The following ELAVL1 variants were observed in gnomAD, a reference collection of about 807,000 sequenced individuals.
The protein encoded by ELAVL1 is ELAV like RNA binding protein 1, also known as ELAV-like protein 1.
A neutral mutation model predicts 28.4 loss-of-function variants in ELAVL1; 1 was observed. That is an observed-to-expected ratio of 0.04 (90% CI 0.01 to 0.17). ELAVL1 has a LOEUF of 0.17. Ranked by LOEUF, ELAVL1 falls within the 10% of genes least tolerant of loss-of-function variation. ELAVL1 has a pLI of 1.00. For synonymous variants in ELAVL1, 174 were observed against 183.5 expected (o/e 0.95, Z 0.42); for missense variants, 157 against 447.2 (o/e 0.35, Z 5.85).
chr19:7,988,430 T>A (rs1985661730), intron 2 of ELAVL1, among the ~76,000 whole-genome samples: 1 of 151,954 alleles, frequency 6.6e-6, no homozygotes, highest in South Asian at 2.1e-4. Context: ...CCCTCTGGCA[T>A]AACCGGCTGA....
At chr19:7,999,184 C>T (rs2081059061) in intron 1 of ELAVL1, among the ~76,000 whole-genome samples, 1 of 152,174 alleles carries the variant, frequency 6.6e-6, no homozygotes, top group Non-Finnish European at 1.5e-5. Flanking sequence ...ACCAGCATGG[C>T]CAACATAGTG....
At chr19:7,976,926 G>A (rs997892297) in intron 3 of ELAVL1, among the ~76,000 whole-genome samples, 11 of 150,578 alleles carry the variant, frequency 7.3e-5, no homozygotes, top group Admixed American at 5.3e-4. Flanking sequence ...GGGCTCAAGT[G>A]ATCCTCCTGC....
At chr19:7,965,139 G>A (rs1211545974) in intron 5 of ELAVL1, among the ~76,000 whole-genome samples, 1 of 152,218 alleles carries the variant, frequency 6.6e-6, no homozygotes, top group Non-Finnish European at 1.5e-5. Flanking sequence ...TGTCCAGTAT[G>A]GTCTCAAACT....
Position 7,981,062 on chromosome 19 carries a change from GT to G in ELAVL1, c.276+20del, listed in dbSNP as rs751415093. 1.2e-6 allele frequency: 2 copies of G among 1,611,248 alleles called. No homozygotes were observed. Among genetic ancestry groups the G allele is most frequent in the Non-Finnish European group, 1.7e-6 (2 of 1,177,572 alleles). On this transcript the variant is annotated intron_variant, in intron 3 of 5. Transcript: ENST00000407627. This position sits in a 1 kb window ranked among gnomAD's most constrained non-coding sequence, Gnocchi z 4.2. ...TGTGCCCAGGGCAGGAATGGATGCG[GT>G]GGTGATCAGATCCCTTTACCTTAAT...
At chr19:8,003,483 G>C (rs1407180581) in intron 1 of ELAVL1, among the ~76,000 whole-genome samples, 1 of 151,306 alleles carries the variant, frequency 6.6e-6, no homozygotes, top group Non-Finnish European at 1.5e-5. Flanking sequence ...ACAAGGTCAG[G>C]AGATCGAGAC....
At position 7,958,925 on chromosome 19, in the gene ELAVL1, TCA is replaced by T. The variant is rs1984730338; in HGVS notation, c.*4556_*4557del. On this transcript the variant is annotated 3_prime_UTR_variant, in exon 6 of 6. Coordinates refer to ENST00000407627, the MANE Select transcript of ELAVL1 (RefSeq NM_001419.3). ...TGAGAAAGCCATTGACAAAAAATAT[TCA>T]CACTTCACTAAAATTTTGAAAAATG... The T allele has an allele frequency of 6.5e-6, 1 of 153,670 alleles. No homozygotes were observed. The highest frequency in any genetic ancestry group is 6.6e-5 in the Admixed American group (1 of 15,264). The allele number at this position is 153,670 out of a possible 1,614,324, so 9.5% of individuals were successfully genotyped here. A position where few individuals can be genotyped will look rare whatever the true frequency, so the allele number is the denominator to read the frequency against.
intron 1 of ELAVL1, among the ~76,000 whole-genome samples, chr19:8,000,111 G>A (rs943979375): frequency 6.6e-6 from 1 of 152,028 alleles, no homozygotes; most frequent in Non-Finnish European, 1.5e-5. Context: ...GGGGCGGGGG[G>A]GTGTCTCGCC....
rs568666884 is a variant in ELAVL1, at chr19:7,991,270, C to G, written c.172+374G>C. 8.5e-5 allele frequency among the ~76,000 whole-genome samples: 13 copies of G among 152,328 alleles called. No homozygotes were observed. The East Asian group carries it at 9.6e-4, about 11-fold the overall frequency. Reference sequence around the variant, plus strand: ...CAGGCCTACCTGCACCTGCCCTGGACAGTACACTCGCCAGGGTCCCTTCCA... The same window carrying G: ...CAGGCCTACCTGCACCTGCCCTGGAGAGTACACTCGCCAGGGTCCCTTCCA... On this transcript the variant is annotated intron_variant, in intron 2 of 5. Transcript: ENST00000407627.
chr19:7,965,397 G>A (rs985973600), intron 5 of ELAVL1, among the ~76,000 whole-genome samples: 8 of 152,072 alleles, frequency 5.3e-5, no homozygotes, highest in African/African-American at 1.9e-4. Context: ...TACTCTTGTT[G>A]GTAGTTTTTC....
intron 1 of ELAVL1, among the ~76,000 whole-genome samples, chr19:8,004,052 C>T (rs1201420658): frequency 1.3e-5 from 2 of 152,244 alleles, no homozygotes; most frequent in Non-Finnish European, 2.9e-5. Flanking sequence ...AGTGACCCAT[C>T]TAAGCCTCAG....
In ELAVL1 at chr19:7,958,617, C is replaced by T. The variant is rs1421709596; in HGVS notation, c.*4866G>A. On this transcript the variant is annotated 3_prime_UTR_variant, in exon 6 of 6. Coordinates refer to ENST00000407627, the MANE Select transcript of ELAVL1 (RefSeq NM_001419.3). ...TTTATTACCAAAATATCACAGAATT[C>T]CAGTCATAGTTAACATACAGCGTTT... The T allele has an allele frequency of 1.3e-5, 2 of 152,208 alleles. No individual in the cohort carries two copies. The allele number at this position is 152,208 out of a possible 1,614,324, so 9.4% of individuals were successfully genotyped here.
At chr19:7,998,756 T>C (rs933835696) in intron 1 of ELAVL1, among the ~76,000 whole-genome samples, 2 of 151,886 alleles carry the variant, frequency 1.3e-5, no homozygotes, top group African/African-American at 4.9e-5. Context: ...GTGCTGGAAT[T>C]GCAGGTGTGA....
intron 4 of ELAVL1, among the ~76,000 whole-genome samples, chr19:7,968,658 A>C (rs115269479): frequency 0.012 from 1,863 of 152,346 alleles, 39 homozygotes; most frequent in African/African-American, 0.042. Context: ...GGCTAAACCC[A>C]ATCCCTGGAC....
In ELAVL1 at chr19:7,961,687, T is replaced by C. The variant is rs1984814191; in HGVS notation, c.*1796A>G. On this transcript the variant is annotated 3_prime_UTR_variant, in exon 6 of 6. Transcript: ENST00000407627. Reference sequence around the variant, plus strand: ...CACAGCCTGGGTACGGATGGCAACATCATCAATTTGCAAGGATCGCGCACA... The same window carrying C: ...CACAGCCTGGGTACGGATGGCAACACCATCAATTTGCAAGGATCGCGCACA... 6.6e-6 allele frequency: 1 copy of C among 152,050 alleles called. No homozygotes were observed. The highest frequency in any genetic ancestry group is 2.1e-4 in the South Asian group (1 of 4,822). 9.4% of individuals were successfully genotyped at this position (152,050 alleles called of 1,614,324 possible).
intron 2 of ELAVL1, among the ~76,000 whole-genome samples, chr19:7,985,618 T>C (rs1020793159): frequency 6.6e-6 from 1 of 152,158 alleles, no homozygotes; most frequent in African/African-American, 2.4e-5. Context: ...CAGAGGGGCC[T>C]GGCTCCTGCA....
chr19:7,975,710 G>A (rs980512732), intron 3 of ELAVL1, among the ~76,000 whole-genome samples: 3 of 152,186 alleles, frequency 2.0e-5, no homozygotes, highest in African/African-American at 4.8e-5. Flanking sequence ...ACCTCAAAAC[G>A]TGACCTGATT....
At position 7,959,720 on chromosome 19, in the gene ELAVL1, T is replaced by C. The variant is rs1248043165; in HGVS notation, c.*3763A>G. On this transcript the variant is annotated 3_prime_UTR_variant, in exon 6 of 6. Transcript: ENST00000407627. ...TTCTACTGCCATCATTACACGCCAA[T>C]TGCCAATGCCACTTAAAAGAAAGCA... 2.0e-5 allele frequency: 3 copies of C among 152,158 alleles called. No individual in the cohort carries two copies. Among genetic ancestry groups the C allele is most frequent in the East Asian group, 1.9e-4 (1 of 5,196 alleles). 9.4% of individuals were successfully genotyped at this position (152,158 alleles called of 1,614,324 possible).
At chr19:7,990,338 G>GTTT (rs752741632) in intron 2 of ELAVL1, among the ~76,000 whole-genome samples, 107 of 141,178 alleles carry the variant, frequency 7.6e-4, no homozygotes, top group Non-Finnish European at 1.1e-3. Context: ...TTTTAAATTA[G>GTTT]TTTTTTTTTT....
intron 2 of ELAVL1, among the ~76,000 whole-genome samples, chr19:7,990,382 T>A (rs1985718294): frequency 1.3e-5 from 2 of 150,276 alleles, no homozygotes; most frequent in African/African-American, 4.9e-5. Flanking sequence ...TTGCCCAGGC[T>A]AAAGTGTAGA....
Sources: gnomAD v4.1 joint callset for allele counts (sites outside exome capture counted in the v4.1 genomes callset) on GRCh38, gnomAD v4.1.1 for gene constraint, Gnocchi (gnomAD v3.1) non-coding constraint, MANE v1.5 for transcripts, NCBI Gene and HGNC (gene_info 2026-07-23, HGNC 2026-07-21) for gene names.